AFMID: variants seen among roughly 807,000 people sequenced by gnomAD.
The protein encoded by AFMID is kynurenine formamidase.
AFMID carries 39 observed loss-of-function variants against 47.5 expected under a neutral mutation model. The observed-to-expected ratio is 0.82, with a 90% CI of 0.64 to 1.07. AFMID has a LOEUF of 1.07. Among genes scored for constraint, AFMID ranks in the 50% least tolerant of loss-of-function variants. The pLI is 0.00. For missense variants in AFMID, 375 were observed against 387.5 expected, an observed-to-expected ratio of 0.97 and a Z score of 0.27; for synonymous variants, 130 against 153.2, an observed-to-expected ratio of 0.85 and a Z score of 1.12.
intron 2 of AFMID, among the ~76,000 whole-genome samples, chr17:78,196,351 C>T (rs1398302311): frequency 2.0e-5 from 3 of 151,342 alleles, no homozygotes; most frequent in Non-Finnish European, 4.4e-5. Context: ...GGTGACAAAG[C>T]GAGACCTTGT....
At chr17:78,205,779 T>A in intron 9 of AFMID, 41 bp downstream of exon 9, 1 of 1,604,224 alleles carries the variant, frequency 6.2e-7, no homozygotes, top group Non-Finnish European at 8.5e-7. Flanking sequence ...TCGAGGGTCA[T>A]GTGGGCTCAT....
chr17:78,194,399 G>T (rs775482941), intron 2 of AFMID, among the ~76,000 whole-genome samples: 1 of 152,092 alleles, frequency 6.6e-6, no homozygotes, highest in African/African-American at 2.4e-5. Flanking sequence ...GATTATAGGC[G>T]TGAGCCACAC....
Position 78,191,738 on chromosome 17 carries a change from G to A in AFMID, c.154+678G>A, listed in dbSNP as rs141173900. Among the ~76,000 whole-genome samples the A allele has an allele frequency of 7.0e-4, 106 of 151,460 alleles. 1 individual carries two copies. In the East Asian group the frequency reaches 0.019, roughly 27 times the overall value. On this transcript the variant is annotated intron_variant, in intron 2 of 10. Coordinates refer to ENST00000409257, the MANE Select transcript of AFMID (RefSeq NM_001010982.5). ...TGAGTCTTGCTCTGTTGCCCAGGCT[G>A]GAGTGCAGTGGCGCGATCTCAGCTC... is the stretch of plus-strand genomic sequence containing the variant.
intron 2 of AFMID, among the ~76,000 whole-genome samples, chr17:78,193,505 C>T (rs1440197995): frequency 6.9e-6 from 1 of 145,082 alleles, no homozygotes; most frequent in African/African-American, 2.5e-5. Context: ...ATTGAAACTT[C>T]AAGTCATATG....
In AFMID at chr17:78,205,441, C is replaced by G. The variant is rs775720507; in HGVS notation, c.567C>G (p.Gly189=). Residue 189 remains glycine, a splice_region_variant and synonymous_variant, in exon 8 of 11, where the codon GGC becomes GGG. Coordinates refer to ENST00000409257, the MANE Select transcript of AFMID (RefSeq NM_001010982.5). The part of the protein sequence containing the change: ...TKHGVTPNLR[G]FFLVSGVFDL... The stretch of plus-strand genomic sequence containing the variant: ...TGTGACAATTCTGTACCTTCACAGG[C>G]TTTTTCCTGGTGAGTGGGGTCTTTG... The G allele has an allele frequency of 1.9e-6, 3 of 1,614,194 alleles. No individual in the cohort carries two copies. The highest frequency in any genetic ancestry group is 1.3e-5 in the African/African-American group (1 of 75,058).
chr17:78,207,301 T>TA lies in AFMID; in HGVS notation c.*364_*365insA, dbSNP rs1491438437. 4.8e-6 allele frequency: 1 copy of TA among 210,268 alleles called. No individual in the cohort carries two copies. Among genetic ancestry groups the TA allele is most frequent in the Non-Finnish European group, 8.6e-6 (1 of 115,960 alleles). The allele number at this position is 210,268 out of a possible 1,614,324, so 13.0% of individuals were successfully genotyped here. On this transcript the variant is annotated 3_prime_UTR_variant, in exon 11 of 11. Coordinates refer to ENST00000409257, the MANE Select transcript of AFMID (RefSeq NM_001010982.5). Reference sequence around the variant, plus strand: ...TTTTTTTTTTTTTTTTTTTTTTTTTTGAGATGGAGTCTTACTCTGTCACCC... The same window carrying TA: ...TTTTTTTTTTTTTTTTTTTTTTTTTTAGAGATGGAGTCTTACTCTGTCACCC...
chr17:78,189,829 G>GT (rs2075913417), intron 1 of AFMID, among the ~76,000 whole-genome samples: 1 of 127,442 alleles, frequency 7.8e-6, no homozygotes, highest in Admixed American at 8.4e-5. Context: ...ATTTTCTGTT[G>GT]GTTTTTTTTT....
chr17:78,206,825 T>G (rs941998247), intron 10 of AFMID, 86 bp from the exon 11 acceptor site: 2 of 1,493,414 alleles, frequency 1.3e-6, no homozygotes, highest in Non-Finnish European at 1.9e-6. Flanking sequence ...AGCCACTGCA[T>G]CCAGCCCTGT....
chr17:78,192,369 C>CAAAGGT (rs1173890946), intron 2 of AFMID, among the ~76,000 whole-genome samples: 1 of 134,086 alleles, frequency 7.5e-6, no homozygotes, highest in Admixed American at 8.7e-5. Flanking sequence ...GGCTGGAGTG[C>CAAAGGT]AAAGGTGCAA....
At chr17:78,199,202 C>G (rs1348877791) in intron 2 of AFMID, among the ~76,000 whole-genome samples, 2 of 152,224 alleles carry the variant, frequency 1.3e-5, no homozygotes, top group Non-Finnish European at 2.9e-5. Context: ...TTTGATTTCC[C>G]TCAGCTTTAA....
chr17:78,202,377 C>T (rs11649894), intron 2 of AFMID, 122 bp from the exon 3 acceptor site: 287,120 of 884,094 alleles, frequency 0.32, 48,540 homozygotes, highest in Admixed American at 0.49. Flanking sequence ...TGCAGTGAGC[C>T]GAGATCGCGC....
In AFMID at chr17:78,204,596, C is replaced by T. The variant is rs895976846; in HGVS notation, c.309-60C>T. The T allele has an allele frequency of 1.2e-5, 19 of 1,548,420 alleles. No homozygotes were observed. The Admixed American group carries it at 3.0e-4, about 25-fold the overall frequency. ...CATCTGGCAAGTGGTGTGTCCAGGA[C>T]ACAGGAAGCAGCGTAGTGGCCAAGC... On this transcript the variant is annotated intron_variant, in intron 4 of 10. Coordinates refer to ENST00000409257, the MANE Select transcript of AFMID (RefSeq NM_001010982.5).
chr17:78,194,984 G>A (rs897909607), intron 2 of AFMID, among the ~76,000 whole-genome samples: 2 of 151,962 alleles, frequency 1.3e-5, no homozygotes, highest in Non-Finnish European at 2.9e-5. Context: ...GTGAGCCACC[G>A]TACCCGGCCC....
rs1567854786 is a variant in AFMID at position 78,204,748 on chromosome 17, G to A, written c.394+7G>A. 6.2e-7 allele frequency: 1 copy of A among 1,614,026 alleles called. No individual in the cohort carries two copies. The highest frequency in any genetic ancestry group is 1.3e-5 in the African/African-American group (1 of 74,944). On this transcript the variant is annotated splice_region_variant and intron_variant, in intron 5 of 10. Coordinates refer to ENST00000409257, the MANE Select transcript of AFMID (RefSeq NM_001010982.5). ...TACGGCATCGCCCCCAAAGGTAATA[G>A]GAGTGGTTGCTGCAGGTCCGAGGGC...
At position 78,195,370 on chromosome 17, in the gene AFMID, T is replaced by G. The variant is rs138807603; in HGVS notation, c.154+4310T>G. ...CCACCACGCCCGGCTAATTTTTGTG[T>G]TTTTAGTAGAGACAGGGTTTCGCCA... On this transcript the variant is annotated intron_variant, in intron 2 of 10. Coordinates refer to ENST00000409257, the MANE Select transcript of AFMID (RefSeq NM_001010982.5). Among the ~76,000 whole-genome samples the G allele has an allele frequency of 5.6e-3, 835 of 148,400 alleles. 5 individuals carry two copies. The highest frequency in any genetic ancestry group is 0.019 in the African/African-American group (778 of 40,366).
chr17:78,190,785 C>A, intron 1 of AFMID, 185 bp from the exon 2 acceptor site: 1 of 557,598 alleles, frequency 1.8e-6, no homozygotes, highest in East Asian at 3.0e-5. Context: ...AGGCTGCCAG[C>A]TGGCTAAAGG....
intron 2 of AFMID, among the ~76,000 whole-genome samples, chr17:78,200,657 G>A (rs2076222872): frequency 6.6e-6 from 1 of 152,154 alleles, no homozygotes; most frequent in South Asian, 2.1e-4. Context: ...GCCTTGGAAC[G>A]CCTGGAGCCA....
At chr17:78,190,813 T>TCC (rs2075946282) in intron 1 of AFMID, 157 bp from the exon 2 acceptor site, 6 of 605,660 alleles carry the variant, frequency 9.9e-6, no homozygotes, top group Non-Finnish European at 1.7e-5. Context: ...GTCGCTGGTA[T>TCC]ACCTCTAGAC....
chr17:78,204,578 C>T, intron 4 of AFMID, 78 bp from the exon 5 acceptor site: 3 of 1,404,118 alleles, frequency 2.1e-6, no homozygotes, highest in Non-Finnish European at 3.0e-6. Context: ...GGACATCTGG[C>T]AAGTGGTGTG....
Sources: gnomAD v4.1 joint callset for allele counts (sites outside exome capture counted in the v4.1 genomes callset) on GRCh38, gnomAD v4.1.1 for gene constraint, MANE v1.5 for transcripts, NCBI Gene and HGNC (gene_info 2026-07-23, HGNC 2026-07-21) for gene names.